Variants in SH3GLB1 observed in about 807,000 individuals in gnomAD.
SH3GLB1 encodes endophilin-B1.
SH3GLB1 carries 17 observed loss-of-function variants against 42.0 expected under a neutral mutation model. The observed-to-expected ratio is 0.40, with a 90% CI of 0.28 to 0.61. The LOEUF (loss-of-function observed/expected upper bound fraction) is 0.61, where lower values mean the gene tolerates loss of function less well. Among genes scored for constraint, SH3GLB1 ranks in the 20% least tolerant of loss-of-function variants. SH3GLB1 has a pLI of 0.36. For missense variants in SH3GLB1, 355 were observed against 426.3 expected (o/e 0.83, Z 1.47); for synonymous variants, 132 against 146.6 (o/e 0.90, Z 0.72).
At chr1:86,733,745 G>A (rs889003365) in intron 5 of SH3GLB1, among the ~76,000 whole-genome samples, 14 of 152,166 alleles carry the variant, frequency 9.2e-5, no homozygotes, top group African/African-American at 3.1e-4. Context: ...TCCTTTATCA[G>A]ATGGTTGAAA....
At chr1:86,732,156 T>G (rs1001868134) in intron 5 of SH3GLB1, among the ~76,000 whole-genome samples, 1 of 152,242 alleles carries the variant, frequency 6.6e-6, no homozygotes, top group Non-Finnish European at 1.5e-5. Flanking sequence ...TAGTCAACAC[T>G]GATCAAGATA....
chr1:86,719,753 TG>T (rs1654753969), intron 3 of SH3GLB1, 118 bp downstream of exon 3: 1 of 1,029,860 alleles, frequency 9.7e-7, no homozygotes, highest in Non-Finnish European at 1.4e-6. Context: ...CCCAGCACTT[TG>T]GGTGGTTGAG....
intron 3 of SH3GLB1, among the ~76,000 whole-genome samples, chr1:86,719,912 C>G (rs184819646): frequency 6.9e-6 from 1 of 145,812 alleles, no homozygotes; most frequent in Non-Finnish European, 1.5e-5. Flanking sequence ...AGGAGAATGG[C>G]GTGAACCTTG....
chr1:86,741,780 G>A (rs1484209433), intron 7 of SH3GLB1, among the ~76,000 whole-genome samples: 1 of 151,966 alleles, frequency 6.6e-6, no homozygotes, highest in African/African-American at 2.4e-5. Flanking sequence ...ATGAAAAAAA[G>A]GTTTAGTTAT....
chr1:86,738,042 C>T (rs1304822188), intron 7 of SH3GLB1, among the ~76,000 whole-genome samples: 1 of 152,158 alleles, frequency 6.6e-6, no homozygotes, highest in African/African-American at 2.4e-5. Flanking sequence ...TGAAGAGTGA[C>T]ATAATTTTAG....
chr1:86,723,656 C>T (rs1654994196), intron 4 of SH3GLB1, among the ~76,000 whole-genome samples: 1 of 152,118 alleles, frequency 6.6e-6, no homozygotes, highest in Non-Finnish European at 1.5e-5. Flanking sequence ...CTGAAGAATT[C>T]TAAGATACTA....
intron 7 of SH3GLB1, among the ~76,000 whole-genome samples, chr1:86,737,462 A>C (rs978516765): frequency 6.6e-6 from 1 of 152,200 alleles, no homozygotes; most frequent in Admixed American, 6.5e-5. Context: ...GCTTTTTCTT[A>C]TCTTCAGAAA....
At chr1:86,730,544 G>A (rs1398992253) in intron 5 of SH3GLB1, among the ~76,000 whole-genome samples, 8 of 151,644 alleles carry the variant, frequency 5.3e-5, no homozygotes, top group Admixed American at 5.3e-4. Flanking sequence ...TTGTCGCCCA[G>A]GCTGGAGTGC....
At chr1:86,707,837 G>A (rs986450225) in intron 1 of SH3GLB1, among the ~76,000 whole-genome samples, 12 of 151,666 alleles carry the variant, frequency 7.9e-5, no homozygotes, top group African/African-American at 2.9e-4. Flanking sequence ...TAGTAGAGAT[G>A]GGGTTTCACC....
chr1:86,735,314 G>T, intron 7 of SH3GLB1, 135 bp downstream of exon 7: 2 of 544,778 alleles, frequency 3.7e-6, no homozygotes, highest in South Asian at 2.3e-5. Context: ...TTTAAGGAAA[G>T]TAATTATCAG....
Position 86,743,376 on chromosome 1 carries a change from A to G in SH3GLB1, c.*141A>G, listed in dbSNP as rs1233396160. On this transcript the variant is annotated 3_prime_UTR_variant, in exon 9 of 9. Coordinates refer to ENST00000370558, the MANE Select transcript of SH3GLB1 (RefSeq NM_016009.5). ...GCCATCAGAAACTGGCCTTTCTGCC[A>G]ATAAAGTTGCATGGTAAATATTTCA... 4.5e-6 allele frequency: 2 copies of G among 441,578 alleles called. No individual in the cohort carries two copies. Among genetic ancestry groups the G allele is most frequent in the Non-Finnish European group, 8.0e-6 (2 of 250,144 alleles). The allele number at this position is 441,578 out of a possible 1,614,324, so 27.4% of individuals were successfully genotyped here. A position where few individuals can be genotyped will look rare whatever the true frequency, so the allele number is the denominator to read the frequency against.
chr1:86,707,021 T>A (rs1653909076), intron 1 of SH3GLB1, among the ~76,000 whole-genome samples: 1 of 152,224 alleles, frequency 6.6e-6, no homozygotes, highest in Non-Finnish European at 1.5e-5. Flanking sequence ...GTGGCTACTG[T>A]GGACACTGGT....
chr1:86,733,226 A>G (rs900804491), intron 5 of SH3GLB1, among the ~76,000 whole-genome samples: 3 of 152,150 alleles, frequency 2.0e-5, no homozygotes, highest in Non-Finnish European at 2.9e-5. Context: ...TACTAATTCA[A>G]GCTTATTTCC....
chr1:86,712,540 G>A (rs769101546), intron 1 of SH3GLB1, among the ~76,000 whole-genome samples: 1 of 151,940 alleles, frequency 6.6e-6, no homozygotes, highest in Non-Finnish European at 1.5e-5. Context: ...AGATTCTTTC[G>A]AGTATTTGTT....
intron 5 of SH3GLB1, among the ~76,000 whole-genome samples, chr1:86,725,757 G>GGT (rs1428038403): frequency 6.6e-6 from 1 of 152,090 alleles, no homozygotes; most frequent in Non-Finnish European, 1.5e-5. Context: ...TGATTAACTT[G>GGT]GTATTGGATA....
At chr1:86,727,869 C>A (rs1011785488) in intron 5 of SH3GLB1, among the ~76,000 whole-genome samples, 1 of 152,008 alleles carries the variant, frequency 6.6e-6, no homozygotes, top group Non-Finnish European at 1.5e-5. Context: ...AATCTTTAAT[C>A]TGTAAACTCA....
rs1180945806 is a variant in SH3GLB1, at chr1:86,734,981, G to T, written c.661-98G>T. ...TTGTAGTAAAATGTTAGATACTGGT[G>T]AGTCTACCTCAGTACAATATTGTGG... is the stretch of plus-strand genomic sequence containing the variant. On this transcript the variant is annotated intron_variant, in intron 6 of 8. Coordinates refer to ENST00000370558, the MANE Select transcript of SH3GLB1 (RefSeq NM_016009.5). 5 of 844,304 alleles carry T rather than the reference G, an allele frequency of 5.9e-6. No homozygotes were observed. The East Asian group carries it at 9.7e-5, about 16-fold the overall frequency. 52.3% of individuals were successfully genotyped at this position (844,304 alleles called of 1,614,324 possible).
chr1:86,734,978 G>A, intron 6 of SH3GLB1, 101 bp from the exon 7 acceptor site: 1 of 831,398 alleles, frequency 1.2e-6, no homozygotes. Context: ...GTTAGATACT[G>A]GTGAGTCTAC....
intron 5 of SH3GLB1, among the ~76,000 whole-genome samples, chr1:86,725,678 T>G (rs1193209913): frequency 1.3e-5 from 2 of 152,158 alleles, no homozygotes; most frequent in African/African-American, 4.8e-5. Flanking sequence ...ACAGTGCTGG[T>G]ACTGTCTTAT....
Sources: gnomAD v4.1 joint callset for allele counts (sites outside exome capture counted in the v4.1 genomes callset) on GRCh38, gnomAD v4.1.1 for gene constraint, MANE v1.5 for transcripts, NCBI Gene and HGNC (gene_info 2026-07-23, HGNC 2026-07-21) for gene names.